Variants in BAZ1B observed in about 807,000 individuals in gnomAD.
BAZ1B encodes tyrosine-protein kinase BAZ1B.
A neutral mutation model predicts 153.8 loss-of-function variants in BAZ1B; 22 were observed. The ratio of observed to expected loss-of-function variants is 0.14; its 90% CI spans 0.10 to 0.20. The LOEUF is 0.20. Ranked by LOEUF, BAZ1B falls within the 10% of genes least tolerant of loss-of-function variation. BAZ1B has a pLI of 1.00. For synonymous variants in BAZ1B, 676 were observed against 633.4 expected, an observed-to-expected ratio of 1.07 and a Z score of -1.01; for missense variants, 1,325 against 1,799.3, an observed-to-expected ratio of 0.74 and a Z score of 4.77.
chr7:73,462,042 T>C (rs1174335829), intron 12 of BAZ1B, among the ~76,000 whole-genome samples: 2 of 152,184 alleles, frequency 1.3e-5, no homozygotes, highest in Non-Finnish European at 2.9e-5. Context: ...GCTGGGATTA[T>C]AGGCGTGAGC....
At chr7:73,475,362 T>C (rs1788957836) in intron 7 of BAZ1B, among the ~76,000 whole-genome samples, 1 of 152,306 alleles carries the variant, frequency 6.6e-6, no homozygotes, top group East Asian at 1.9e-4. Flanking sequence ...AAACGTGGTA[T>C]ATCCAAACAA....
chr7:73,499,580 T>C (rs533987259), intron 3 of BAZ1B, among the ~76,000 whole-genome samples: 4 of 152,286 alleles, frequency 2.6e-5, no homozygotes, highest in African/African-American at 9.6e-5. Context: ...CGTGTTCCCA[T>C]AGTCTTAACT....
rs528597754 is a variant in BAZ1B, at chr7:73,510,632, T to G, written c.224+104A>C. 6.4e-6 allele frequency: 7 copies of G among 1,099,118 alleles called. No homozygotes were observed. In the East Asian group the frequency reaches 1.7e-4, roughly 26 times the overall value. The allele number at this position is 1,099,118 out of a possible 1,614,324, so 68.1% of individuals were successfully genotyped here. On this transcript the variant is annotated intron_variant, in intron 2 of 19. Transcript: ENST00000339594. ...GTACACTAATGTAATATAGTCTAATTTGTGCCCCATAAACTTAAATACACA... is the reference window on the plus strand; with the variant it reads ...GTACACTAATGTAATATAGTCTAATGTGTGCCCCATAAACTTAAATACACA...
At chr7:73,518,491 G>A in intron 1 of BAZ1B, among the ~76,000 whole-genome samples, 1 of 152,024 alleles carries the variant, frequency 6.6e-6, no homozygotes, top group East Asian at 1.9e-4. Context: ...CAAATGTCCA[G>A]TAAAACTCTA....
chr7:73,476,179 A>AG (rs1554572736), intron 7 of BAZ1B, among the ~76,000 whole-genome samples: 2 of 152,308 alleles, frequency 1.3e-5, no homozygotes, highest in East Asian at 3.9e-4. Flanking sequence ...GGGTAATGAC[A>AG]GTTCATGGGT....
Position 73,469,532 on chromosome 7 carries a change from C to T in BAZ1B, c.2851G>A (p.Asp951Asn), listed in dbSNP as rs782438809. Residue 951 changes from aspartate to asparagine, a missense_variant, in exon 9 of 20, where the codon GAT (aspartate) becomes AAT (asparagine). Physicochemically the swap from Asp to Asn is conservative, Grantham distance 23. Coordinates refer to ENST00000339594, the MANE Select transcript of BAZ1B (RefSeq NM_032408.4). The stretch of plus-strand genomic sequence containing the variant: ...ATATACTCACTGCGAGGACAGTAAT[C>T]CTCATCACCAGAGACTGTGTGGTCT... ...CKDHTVSGDEDYCPRSKKANL... is the reference protein window; with the variant it reads ...CKDHTVSGDENYCPRSKKANL... 2.0e-5 allele frequency: 33 copies of T among 1,614,060 alleles called. No individual in the cohort carries two copies. The South Asian group carries it at 2.6e-4, about 13-fold the overall frequency.
intron 5 of BAZ1B, among the ~76,000 whole-genome samples, chr7:73,489,916 G>A (rs1554575256): frequency 1.3e-5 from 2 of 152,168 alleles, no homozygotes; most frequent in East Asian, 1.9e-4. Flanking sequence ...AATTCCTCTC[G>A]TTAAGAATTT....
intron 16 of BAZ1B, among the ~76,000 whole-genome samples, chr7:73,446,943 C>G (rs1221318300): frequency 1.3e-5 from 2 of 152,204 alleles, no homozygotes; most frequent in Non-Finnish European, 2.9e-5. Flanking sequence ...ATCTTCCTTC[C>G]CCATTGTCCC....
At position 73,511,335 on chromosome 7, in the gene BAZ1B, A is replaced by G. The variant is rs992775714; in HGVS notation, c.108-483T>C. Among the ~76,000 whole-genome samples the G allele has an allele frequency of 2.0e-5, 3 of 152,006 alleles. 1 individual carries two copies. ...GCCCAAAGCAAGATGACTAAGACTG[A>G]AGTATAATGAGAATGGATTGTCATG... On this transcript the variant is annotated intron_variant, in intron 1 of 19. Coordinates refer to ENST00000339594, the MANE Select transcript of BAZ1B (RefSeq NM_032408.4).
chr7:73,465,644 T>C, intron 10 of BAZ1B, 107 bp from the exon 11 acceptor site: 1 of 633,122 alleles, frequency 1.6e-6, no homozygotes, highest in Non-Finnish European at 2.7e-6. Flanking sequence ...GAGAACAGAA[T>C]TCCAAATGTG....
chr7:73,466,444 A>C, intron 9 of BAZ1B, 43 bp from the exon 10 acceptor site: 1 of 1,384,558 alleles, frequency 7.2e-7, no homozygotes, highest in Non-Finnish European at 1.0e-6. Context: ...GTAAATACCC[A>C]ATTGCTAGTT....
chr7:73,449,625 C>T lies in BAZ1B; in HGVS notation c.3645G>A (p.Arg1215=). ...CATCTGGTACTTCATAGAGGGCCGG[C>T]CTCAGACAAAACAGGTGGAAGGCTT... ...CNKAFHLFCL[R]PALYEVPDGE... is the part of the protein sequence containing the mutation. Residue 1215 remains arginine, a synonymous_variant, in exon 15 of 20, where the codon AGG becomes AGA. Coordinates refer to ENST00000339594, the MANE Select transcript of BAZ1B (RefSeq NM_032408.4). The T allele has an allele frequency of 1.2e-6, 2 of 1,614,136 alleles. No homozygotes were observed. The highest frequency in any genetic ancestry group is 1.7e-6 in the Non-Finnish European group (2 of 1,180,034).
At chr7:73,442,944 C>T (rs1028595687) in intron 17 of BAZ1B, 116 bp from the exon 18 acceptor site, 3 of 803,466 alleles carry the variant, frequency 3.7e-6, no homozygotes, top group South Asian at 3.4e-5. Flanking sequence ...ATTTCCTTGG[C>T]GCAGAGGTGC....
chr7:73,498,203 A>T (rs1789992511), intron 4 of BAZ1B, among the ~76,000 whole-genome samples: 3 of 151,358 alleles, frequency 2.0e-5, no homozygotes, highest in Admixed American at 1.3e-4. Context: ...CAGATGATCC[A>T]CCCTCCTCAG....
intron 4 of BAZ1B, among the ~76,000 whole-genome samples, chr7:73,495,034 A>G (rs1251941289): frequency 2.0e-5 from 3 of 152,236 alleles, no homozygotes; most frequent in Non-Finnish European, 4.4e-5. Flanking sequence ...CTGTAATTCC[A>G]GCACTTTGGG....
chr7:73,504,942 G>A (rs1469284246), intron 3 of BAZ1B, among the ~76,000 whole-genome samples: 2 of 152,140 alleles, frequency 1.3e-5, no homozygotes, highest in African/African-American at 4.8e-5. Context: ...AACAAAGAAA[G>A]AACAAGAACT....
chr7:73,464,406 T>C (rs1255404587), intron 11 of BAZ1B, among the ~76,000 whole-genome samples: 1 of 152,256 alleles, frequency 6.6e-6, no homozygotes, highest in Non-Finnish European at 1.5e-5. Flanking sequence ...TTCAGTTTTT[T>C]GTTGTAGAAC....
Position 73,444,071 on chromosome 7 carries a change from T to C in BAZ1B, c.3903A>G (p.Ser1301=), listed in dbSNP as rs1554565750. 6.2e-7 allele frequency: 1 copy of C among 1,613,566 alleles called. No individual in the cohort carries two copies. The highest frequency in any genetic ancestry group is 8.5e-7 in the Non-Finnish European group (1 of 1,179,780). Residue 1301 remains serine (S), a synonymous_variant, in exon 17 of 20, where the codon TCA becomes TCG. Transcript: ENST00000339594. ...KHSVIPPAAR[S]GRRPGKKPHS... Reference sequence around the variant, plus strand: ...GTGGCTTCTTACCCGGGCGCCGGCCTGACCTTGCTGCAGGGGGGATGACGC... The same window carrying C: ...GTGGCTTCTTACCCGGGCGCCGGCCCGACCTTGCTGCAGGGGGGATGACGC...
At position 73,511,586 on chromosome 7, in the gene BAZ1B, A is replaced by G. The variant is rs1216261321; in HGVS notation, c.108-734T>C. ...TTTTAGTACAAATGTGATTTCCTCA[A>G]TTCACCAAAGTTTCATTACACAAGA... On this transcript the variant is annotated intron_variant, in intron 1 of 19. Coordinates refer to ENST00000339594, the MANE Select transcript of BAZ1B (RefSeq NM_032408.4). Among the ~76,000 whole-genome samples, 7 of 152,294 alleles carry G rather than the reference A, an allele frequency of 4.6e-5. No homozygotes were observed. In the East Asian group the frequency reaches 1.3e-3, roughly 29 times the overall value.
Sources: gnomAD v4.1 joint callset for allele counts (sites outside exome capture counted in the v4.1 genomes callset) on GRCh38, gnomAD v4.1.1 for gene constraint, MANE v1.5 for transcripts, NCBI Gene and HGNC (gene_info 2026-07-23, HGNC 2026-07-21) for gene names.